PCNX2: variants seen among roughly 807,000 people sequenced by gnomAD.
PCNX2 encodes pecanex-like protein 2.
PCNX2 carries 168 observed loss-of-function variants against 223.8 expected under a neutral mutation model. That is an observed-to-expected ratio of 0.75 (90% CI 0.66 to 0.85). PCNX2 has a LOEUF of 0.85. Among genes scored for constraint, PCNX2 ranks in the 40% least tolerant of loss-of-function variants. The probability of loss-of-function intolerance (pLI) is 0.00; values close to 1 mark genes in which losing one functional copy is unlikely to be tolerated. For synonymous variants in PCNX2, 1,006 were observed against 1,052.6 expected, an observed-to-expected ratio of 0.96 and a Z score of 0.86; for missense variants, 2,507 against 2,675.5, an observed-to-expected ratio of 0.94 and a Z score of 1.39.
intron 1 of PCNX2, chr1:233,289,374 T>C: frequency 3.2e-6 from 4 of 1,266,030 alleles, no homozygotes; most frequent in Non-Finnish European, 4.6e-6. Flanking sequence ...CAGAAGAGCC[T>C]GGGAGATGCG....
In PCNX2 at chr1:233,057,248, T is replaced by C. The variant is rs201504159; in HGVS notation, c.4119A>G (p.Gln1373=). 6.9e-5 allele frequency: 111 copies of C among 1,608,612 alleles called. No homozygotes were observed. In the African/African-American group the frequency reaches 1.4e-3, roughly 21 times the overall value. ...VDNSNTRLAV[Q]IERDPGNDDN... ...TCTTCTTACCTGGATCTCTTTCAAT[T>C]TGGACTGCCAGTCTTGTGTTGGAAT... The change falls in exon 24 of 34, where the codon CAA becomes CAG. Residue 1373 remains glutamine (Q), a synonymous_variant. Coordinates refer to ENST00000258229, the MANE Select transcript of PCNX2 (RefSeq NM_014801.4).
intron 1 of PCNX2, among the ~76,000 whole-genome samples, chr1:233,273,769 G>T (rs917127394): frequency 3.3e-5 from 5 of 151,740 alleles, no homozygotes; most frequent in African/African-American, 1.2e-4. Flanking sequence ...GATTACAGGC[G>T]CCTGCCACTA....
At chr1:233,116,019 CAAAGA>C (rs1488071196) in intron 21 of PCNX2, among the ~76,000 whole-genome samples, 4 of 151,800 alleles carry the variant, frequency 2.6e-5, no homozygotes, top group South Asian at 2.1e-4. Context: ...TCAGAGAAAG[CAAAGA>C]AATTACCAGA....
chr1:233,081,000 T>A (rs1673331957), intron 23 of PCNX2, among the ~76,000 whole-genome samples: 3 of 152,058 alleles, frequency 2.0e-5, no homozygotes, highest in African/African-American at 7.2e-5. Flanking sequence ...CCCTAGAAAA[T>A]CAAGGGCAGG....
intron 26 of PCNX2, among the ~76,000 whole-genome samples, chr1:233,018,049 GTCTC>G (rs1033382544): frequency 2.3e-4 from 35 of 152,302 alleles, no homozygotes; most frequent in Middle Eastern, 3.4e-3. Context: ...AGACAGCAGT[GTCTC>G]TCTCTGATTC....
chr1:233,095,591 T>C, intron 22 of PCNX2, 164 bp downstream of exon 22: 1 of 643,084 alleles, frequency 1.6e-6, no homozygotes, highest in South Asian at 1.9e-5. Flanking sequence ...AAATATCTTT[T>C]AAGGCTAAGT....
rs1422687144 is a variant in PCNX2 at position 233,236,871 on chromosome 1, G to A, written c.2332C>T (p.Arg778Cys). Residue 778 changes from arginine (R) to cysteine (C), a missense_variant, in exon 9 of 34, where the codon CGC (arginine) becomes TGC (cysteine). Coordinates refer to ENST00000258229, the MANE Select transcript of PCNX2 (RefSeq NM_014801.4). ...CGTGGGGTTTCCGACTGGGTCCTGC[G>A]AGCCACCATCAGTAACAGCTGTTGC... ...LQQQLLLMVA[R>C]RTQSETPRHV... 1.6e-5 allele frequency: 26 copies of A among 1,613,770 alleles called. No individual in the cohort carries two copies. The highest frequency in any genetic ancestry group is 2.2e-5 in the East Asian group (1 of 44,890).
chr1:233,145,224 C>G (rs1455248470), intron 19 of PCNX2, among the ~76,000 whole-genome samples: 3 of 152,076 alleles, frequency 2.0e-5, no homozygotes, highest in African/African-American at 7.2e-5. Flanking sequence ...CTTCGGACTC[C>G]CAAAGTGTTG....
intron 20 of PCNX2, among the ~76,000 whole-genome samples, chr1:233,138,227 T>C (rs950651025): frequency 4.6e-5 from 7 of 152,208 alleles, no homozygotes; most frequent in African/African-American, 9.6e-5. Flanking sequence ...TTTCTGACTT[T>C]AGTGTCTGGA....
At chr1:233,017,472 C>T (rs543230983) in intron 26 of PCNX2, among the ~76,000 whole-genome samples, 25 of 152,116 alleles carry the variant, frequency 1.6e-4, no homozygotes, top group Admixed American at 3.9e-4. Flanking sequence ...CGCCCGCCAC[C>T]ACGCCCAGCT....
At chr1:233,044,259 G>GT (rs759764676) in intron 25 of PCNX2, among the ~76,000 whole-genome samples, 91 of 152,134 alleles carry the variant, frequency 6.0e-4, no homozygotes, top group Middle Eastern at 3.4e-3. Flanking sequence ...GGGATTGTTT[G>GT]TTTTTTTCTT....
rs776159361 is a variant in PCNX2 at position 233,057,331 on chromosome 1, C to A, written c.4077-41G>T. ...AAAGGGTAAAAGGTCATGATTAGAT[C>A]CCCCCAAGCAGAAGAGTTGGTTTAT... On this transcript the variant is annotated intron_variant, in intron 23 of 33. Transcript: ENST00000258229. 20 of 1,490,536 alleles carry A rather than the reference C, an allele frequency of 1.3e-5. No homozygotes were observed. In the African/African-American group the frequency reaches 1.8e-4, roughly 13 times the overall value. 92.3% of individuals were successfully genotyped at this position (1,490,536 alleles called of 1,614,324 possible). A position where few individuals can be genotyped will look rare whatever the true frequency, so the allele number is the denominator to read the frequency against.
chr1:233,064,280 C>T (rs1376827453), intron 23 of PCNX2, among the ~76,000 whole-genome samples: 2 of 152,154 alleles, frequency 1.3e-5, no homozygotes. Context: ...CACACCAGTA[C>T]CATTTTTGTG....
chr1:233,325,502 C>CAAAAAA, the PCNX2 span, among the ~76,000 whole-genome samples: 15 of 138,136 alleles, frequency 1.1e-4, no homozygotes, highest in African/African-American at 4.1e-4. Flanking sequence ...ACTAAAAATA[C>CAAAAAA]AAAAAAAAAA....
chr1:233,176,500 G>A (rs1375803078), intron 17 of PCNX2, among the ~76,000 whole-genome samples: 2 of 152,212 alleles, frequency 1.3e-5, no homozygotes, highest in Admixed American at 6.5e-5. Flanking sequence ...ATGGTGCTTA[G>A]GGGAGAAGAT....
At chr1:233,147,827 T>C (rs1677552347) in intron 19 of PCNX2, among the ~76,000 whole-genome samples, 1 of 152,132 alleles carries the variant, frequency 6.6e-6, no homozygotes, top group Non-Finnish European at 1.5e-5. Context: ...CTTTAAGAGG[T>C]GATAACTGAA....
intron 1 of PCNX2, among the ~76,000 whole-genome samples, chr1:233,285,400 G>C (rs1388894444): frequency 6.6e-6 from 1 of 152,100 alleles, no homozygotes; most frequent in Non-Finnish European, 1.5e-5. Flanking sequence ...TGGTGGCCAG[G>C]CTCAGTGGCT....
intron 25 of PCNX2, among the ~76,000 whole-genome samples, chr1:233,040,049 G>A (rs1271704996): frequency 6.6e-6 from 1 of 152,126 alleles, no homozygotes; most frequent in African/African-American, 2.4e-5. Context: ...AGTAAGTTGA[G>A]GAAAGGTAGT....
At chr1:233,047,624 A>C (rs1372047481) in intron 25 of PCNX2, among the ~76,000 whole-genome samples, 1 of 152,228 alleles carries the variant, frequency 6.6e-6, no homozygotes, top group African/African-American at 2.4e-5. Flanking sequence ...GTATTACATA[A>C]TGATAAAGTG....
Sources: allele counts gnomAD v4.1 joint callset (sites outside exome capture counted in the v4.1 genomes callset), GRCh38; gene constraint gnomAD v4.1.1; transcripts MANE v1.5; gene names NCBI Gene and HGNC (gene_info 2026-07-23, HGNC 2026-07-21).